CCN4: variants seen among roughly 807,000 people sequenced by gnomAD.
CCN4 encodes the protein CCN family member 4.
CCN4 carries 30 observed loss-of-function variants against 36.7 expected under a neutral mutation model. The ratio of observed to expected loss-of-function variants is 0.82; its 90% CI spans 0.61 to 1.11. The LOEUF (loss-of-function observed/expected upper bound fraction) is 1.11, where lower values mean the gene tolerates loss of function less well. Ranked by LOEUF, CCN4 falls within the 50% of genes least tolerant of loss-of-function variation. The pLI, the probability that CCN4 is intolerant of heterozygous loss-of-function variation, is 0.00. For synonymous variants in CCN4, 191 were observed against 195.4 expected, an observed-to-expected ratio of 0.98 and a Z score of 0.19; for missense variants, 505 against 504.9, an observed-to-expected ratio of 1.00 and a Z score of 0.00.
chr8:133,222,593 G>A (rs1303703502), intron 3 of CCN4, among the ~76,000 whole-genome samples: 1 of 151,594 alleles, frequency 6.6e-6, no homozygotes, highest in African/African-American at 2.4e-5. Flanking sequence ...GCAGAGGTCT[G>A]GGAATGCTGA....
intron 1 of CCN4, among the ~76,000 whole-genome samples, chr8:133,192,410 C>T (rs924011052): frequency 3.9e-5 from 6 of 152,154 alleles, no homozygotes; most frequent in Non-Finnish European, 5.9e-5. Context: ...TGGCATGGTG[C>T]CTGACTATAG....
chr8:133,197,730 G>T (rs1479561259), intron 1 of CCN4, among the ~76,000 whole-genome samples: 1 of 152,170 alleles, frequency 6.6e-6, no homozygotes, highest in Non-Finnish European at 1.5e-5. Context: ...TTTGAGTGTG[G>T]ATCTGCTAAG....
chr8:133,204,662 C>A (rs1328404506), intron 1 of CCN4, among the ~76,000 whole-genome samples: 1 of 152,222 alleles, frequency 6.6e-6, no homozygotes, highest in Non-Finnish European at 1.5e-5. Context: ...TCGAGCAATT[C>A]TCCTGCCTCA....
At chr8:133,196,815 A>G (rs1853403838) in intron 1 of CCN4, among the ~76,000 whole-genome samples, 1 of 152,218 alleles carries the variant, frequency 6.6e-6, no homozygotes. Flanking sequence ...ATAGCAGGGC[A>G]GGGGAATTCC....
Position 133,231,131 on chromosome 8 carries a change from T to C in CCN4, c.*3421T>C, listed in dbSNP as rs1039064406. 2.0e-5 allele frequency: 3 copies of C among 152,232 alleles called. No individual in the cohort carries two copies. Among genetic ancestry groups the C allele is most frequent in the African/African-American group, 4.8e-5 (2 of 41,456 alleles). The allele number at this position is 152,232 out of a possible 1,614,324, so 9.4% of individuals were successfully genotyped here. A position where few individuals can be genotyped will look rare whatever the true frequency, so the allele number is the denominator to read the frequency against. On this transcript the variant is annotated 3_prime_UTR_variant, in exon 5 of 5. Coordinates refer to ENST00000250160, the MANE Select transcript of CCN4 (RefSeq NM_003882.4). ...TCAAAGATAGTAGATTCGAATGACA[T>C]GATTGTCTATAATCTCGCTAGCCTT...
chr8:133,205,045 G>T (rs1179523998), intron 1 of CCN4, among the ~76,000 whole-genome samples: 1 of 152,216 alleles, frequency 6.6e-6, no homozygotes, highest in Non-Finnish European at 1.5e-5. Context: ...CATCATCATA[G>T]TACCTGGGTA....
In CCN4 at chr8:133,220,684, G is replaced by A. The variant is rs750891482; in HGVS notation, c.453G>A (p.Val151=). The stretch of plus-strand genomic sequence containing the variant: ...ACTGCACGTGCATCGACGGCGCGGT[G>A]GGCTGCACACCACTGTGCCTCCGAG... The part of the protein sequence containing the change: ...KYNCTCIDGA[V]GCTPLCLRVR... Residue 151 remains valine (V), a synonymous_variant, in exon 3 of 5, where the codon GTG becomes GTA. Coordinates refer to ENST00000250160, the MANE Select transcript of CCN4 (RefSeq NM_003882.4). 4 of 1,613,996 alleles carry A rather than the reference G, an allele frequency of 2.5e-6. No individual in the cohort carries two copies. The highest frequency in any genetic ancestry group is 3.3e-5 in the Admixed American group (2 of 60,034).
At chr8:133,201,844 A>AAAAAGAAAAGAAAAG (rs145650035) in intron 1 of CCN4, among the ~76,000 whole-genome samples, 2 of 147,620 alleles carry the variant, frequency 1.4e-5, no homozygotes, top group Admixed American at 6.7e-5. Flanking sequence ...TTCAGTCTCA[A>AAAAAGAAAAGAAAAG]AAAAGAAAAG....
intron 1 of CCN4, among the ~76,000 whole-genome samples, chr8:133,201,559 C>G (rs1366293998): frequency 1.3e-5 from 2 of 152,144 alleles, no homozygotes; most frequent in African/African-American, 4.8e-5. Context: ...AAAAAGCATA[C>G]AGCCAGGTGT....
intron 2 of CCN4, among the ~76,000 whole-genome samples, chr8:133,218,208 A>T (rs747919887): frequency 1.3e-5 from 2 of 152,174 alleles, no homozygotes; most frequent in Non-Finnish European, 2.9e-5. Flanking sequence ...TGTCCATCAA[A>T]GGAGAAAAAT....
intron 1 of CCN4, among the ~76,000 whole-genome samples, chr8:133,201,893 G>A (rs1157615904): frequency 1.3e-5 from 2 of 151,890 alleles, no homozygotes; most frequent in Non-Finnish European, 2.9e-5. Flanking sequence ...CATGTGTGGG[G>A]AAAATGGAAG....
intron 1 of CCN4, among the ~76,000 whole-genome samples, chr8:133,192,838 G>A (rs377120654): frequency 2.0e-5 from 3 of 152,326 alleles, no homozygotes; most frequent in East Asian, 3.9e-4. Context: ...CGGTGCTGAG[G>A]AGGAGTGAAG....
intron 3 of CCN4, among the ~76,000 whole-genome samples, chr8:133,221,180 G>T (rs1027757222): frequency 2.6e-5 from 4 of 152,236 alleles, no homozygotes; most frequent in African/African-American, 9.6e-5. Context: ...AGGAGAGGAG[G>T]TATGAGCAAG....
Position 133,228,870 on chromosome 8 carries a change from C to A in CCN4, c.*1160C>A, listed in dbSNP as rs569907417. The stretch of plus-strand genomic sequence containing the variant: ...TTCTGCTGACCAAATGGCCAGTTTT[C>A]TGGTAGGAAGATGGAGGTTTACCGG... On this transcript the variant is annotated 3_prime_UTR_variant, in exon 5 of 5. Coordinates refer to ENST00000250160, the MANE Select transcript of CCN4 (RefSeq NM_003882.4). 2.6e-5 allele frequency: 4 copies of A among 152,016 alleles called. No individual in the cohort carries two copies. Among genetic ancestry groups the A allele is most frequent in the Admixed American group, 2.0e-4 (3 of 15,262 alleles). The allele number at this position is 152,016 out of a possible 1,614,324, so 9.4% of individuals were successfully genotyped here.
intron 1 of CCN4, among the ~76,000 whole-genome samples, chr8:133,194,442 GGT>G (rs200762612): frequency 1.5e-3 from 105 of 68,488 alleles, no homozygotes; most frequent in Non-Finnish European, 2.3e-3. Flanking sequence ...ATGTGTGTGT[GGT>G]GTGTGTGTGG....
chr8:133,193,542 T>C (rs912356085), intron 1 of CCN4, among the ~76,000 whole-genome samples: 1 of 152,240 alleles, frequency 6.6e-6, no homozygotes, highest in African/African-American at 2.4e-5. Context: ...ATGTCCGCCA[T>C]GTGCTAAGAG....
rs200522670 is a variant in CCN4 at position 133,225,506 on chromosome 8, G to T, written c.727G>T (p.Ala243Ser). 164 of 1,613,986 alleles carry T rather than the reference G, an allele frequency of 1.0e-4. No individual in the cohort carries two copies. Among genetic ancestry groups the T allele is most frequent in the Non-Finnish European group, 1.3e-4 (159 of 1,179,988 alleles). Residue 243 changes from alanine to serine, a missense_variant, in exon 4 of 5, where the codon GCC (alanine) becomes TCC (serine). Physicochemically the swap from Ala to Ser is moderately conservative, Grantham distance 99. Coordinates refer to ENST00000250160, the MANE Select transcript of CCN4 (RefSeq NM_003882.4). ...GVSTRISNVN[A>S]QCWPEQESRL... is the part of the protein sequence containing the mutation. ...CTCCACTCGGATCTCCAATGTTAAC[G>T]CCCAGTGCTGGCCTGAGCAAGAGAG...
At chr8:133,226,201 T>C (rs1258356344) in intron 4 of CCN4, among the ~76,000 whole-genome samples, 4 of 152,226 alleles carry the variant, frequency 2.6e-5, no homozygotes, top group Admixed American at 1.3e-4. Context: ...ATTCAAGTCC[T>C]CCTCACTCAT....
chr8:133,215,392 A>G (rs1201462541), intron 2 of CCN4, among the ~76,000 whole-genome samples: 2 of 152,226 alleles, frequency 1.3e-5, no homozygotes, highest in Non-Finnish European at 2.9e-5. Context: ...CAGTTATATG[A>G]GCTTGTCTCA....
Sources: gnomAD v4.1 joint callset for allele counts (sites outside exome capture counted in the v4.1 genomes callset) on GRCh38, gnomAD v4.1.1 for gene constraint, MANE v1.5 for transcripts, NCBI Gene and HGNC (gene_info 2026-07-23, HGNC 2026-07-21) for gene names.